CDH13: variants seen among roughly 807,000 people sequenced by gnomAD.
CDH13 encodes the protein cadherin-13.
CDH13 carries 24 observed loss-of-function variants against 63.8 expected under a neutral mutation model. The ratio of observed to expected loss-of-function variants is 0.38; its 90% CI spans 0.27 to 0.53. CDH13 has a LOEUF of 0.53. Ranked by LOEUF, CDH13 falls within the 20% of genes least tolerant of loss-of-function variation. The probability of loss-of-function intolerance (pLI) is 0.85; values close to 1 mark genes in which losing one functional copy is unlikely to be tolerated. For missense variants in CDH13, 1,049 were observed against 903.1 expected, an observed-to-expected ratio of 1.16 and a Z score of -2.07; for synonymous variants, 503 against 355.3, an observed-to-expected ratio of 1.42 and a Z score of -4.67.
At chr16:82,908,663 C>A (rs2041725918) in intron 2 of CDH13, among the ~76,000 whole-genome samples, 1 of 152,188 alleles carries the variant, frequency 6.6e-6, no homozygotes, top group Non-Finnish European at 1.5e-5. Context: ...ACTTTCCAGA[C>A]CTTTCTCTCA....
At chr16:83,762,899 A>G (rs933863767) in intron 11 of CDH13, among the ~76,000 whole-genome samples, 3 of 152,192 alleles carry the variant, frequency 2.0e-5, no homozygotes, top group African/African-American at 7.2e-5. Flanking sequence ...GGAAGCCCAA[A>G]TGCCCTCTCA....
intron 7 of CDH13, among the ~76,000 whole-genome samples, chr16:83,503,799 G>A (rs1227983032): frequency 6.6e-6 from 1 of 151,694 alleles, no homozygotes; most frequent in Non-Finnish European, 1.5e-5. Context: ...TAAGACCTTT[G>A]CCAGATGGGT....
At chr16:82,871,000 T>G (rs1198695226) in intron 2 of CDH13, among the ~76,000 whole-genome samples, 2 of 152,186 alleles carry the variant, frequency 1.3e-5, no homozygotes, top group Non-Finnish European at 2.9e-5. Flanking sequence ...CTTCAGGAAG[T>G]CACTATTACT....
intron 3 of CDH13, among the ~76,000 whole-genome samples, chr16:83,098,697 C>T (rs574507563): frequency 6.6e-6 from 1 of 152,332 alleles, no homozygotes; most frequent in Non-Finnish European, 1.5e-5. Flanking sequence ...TTCTGACTTG[C>T]ATTGTTGCTA....
chr16:83,508,075 G>A (rs12923171), intron 7 of CDH13, among the ~76,000 whole-genome samples: 925 of 33,712 alleles, frequency 0.027, 22 homozygotes, highest in East Asian at 0.2. Context: ...AAGGAAGGAA[G>A]GAAGGAAGGA....
At chr16:83,235,238 C>T (rs2151808008) in intron 5 of CDH13, among the ~76,000 whole-genome samples, 1 of 152,258 alleles carries the variant, frequency 6.6e-6, no homozygotes, top group African/African-American at 2.4e-5. Context: ...TAAACAAACA[C>T]TTAGGTTTGC....
intron 6 of CDH13, among the ~76,000 whole-genome samples, chr16:83,384,886 A>G (rs953334715): frequency 2.0e-5 from 3 of 152,226 alleles, no homozygotes; most frequent in Admixed American, 1.3e-4. Context: ...CGTGTGTAAC[A>G]TGGTATGTCC....
At chr16:83,695,406 G>A (rs950529662) in intron 10 of CDH13, among the ~76,000 whole-genome samples, 4 of 152,164 alleles carry the variant, frequency 2.6e-5, no homozygotes, top group African/African-American at 9.7e-5. Flanking sequence ...CTGTGACTCT[G>A]TGGATCCCTG....
Position 83,358,607 on chromosome 16 carries a change from A to G in CDH13, c.781+13601A>G, listed in dbSNP as rs151291749. Among the ~76,000 whole-genome samples the G allele has an allele frequency of 5.4e-3, 821 of 152,330 alleles. 9 individuals carry two copies. Among genetic ancestry groups the G allele is most frequent in the African/African-American group, 0.019 (784 of 41,572 alleles). The stretch of plus-strand genomic sequence containing the variant: ...AATATGCAGCATCACTCAACCAGTA[A>G]AAATTAGAGCCCAGACTATATGACG... On this transcript the variant is annotated intron_variant, in intron 6 of 13. Transcript: ENST00000567109.
intron 6 of CDH13, among the ~76,000 whole-genome samples, chr16:83,458,223 C>A (rs1598066909): frequency 6.6e-6 from 1 of 152,216 alleles, no homozygotes; most frequent in African/African-American, 2.4e-5. Flanking sequence ...GCTGTTTCTC[C>A]TGTACTTGAC....
At chr16:83,635,814 G>C (rs1393461389) in intron 8 of CDH13, among the ~76,000 whole-genome samples, 1 of 152,074 alleles carries the variant, frequency 6.6e-6, no homozygotes, top group African/African-American at 2.4e-5. Flanking sequence ...TTTCATGCAA[G>C]TCCAATTTAT....
intron 6 of CDH13, among the ~76,000 whole-genome samples, chr16:83,484,736 A>T (rs2073848552): frequency 6.6e-6 from 1 of 152,174 alleles, no homozygotes; most frequent in Admixed American, 6.6e-5. Context: ...GCACTTATAA[A>T]CTGTACCTGT....
chr16:83,371,973 A>C (rs2091375523), intron 6 of CDH13, among the ~76,000 whole-genome samples: 1 of 152,226 alleles, frequency 6.6e-6, no homozygotes, highest in Non-Finnish European at 1.5e-5. Context: ...ATATAGGGAT[A>C]CCTTTGGGGA....
intron 1 of CDH13, among the ~76,000 whole-genome samples, chr16:82,695,251 C>T (rs1411024483): frequency 6.6e-6 from 1 of 152,174 alleles, no homozygotes; most frequent in African/African-American, 2.4e-5. Flanking sequence ...TTTAGAGTAT[C>T]TCAAAGTCTC....
At chr16:83,321,102 T>C (rs766207149) in intron 5 of CDH13, among the ~76,000 whole-genome samples, 4 of 152,168 alleles carry the variant, frequency 2.6e-5, no homozygotes, top group Non-Finnish European at 4.4e-5. Context: ...TAGAAGGAGA[T>C]TGAAATTAAG....
intron 3 of CDH13, among the ~76,000 whole-genome samples, chr16:83,067,892 A>G (rs943733663): frequency 2.0e-5 from 3 of 151,964 alleles, no homozygotes; most frequent in Non-Finnish European, 4.4e-5. Flanking sequence ...CCATTTCGCC[A>G]CCTGCTCTGG....
chr16:82,934,115 C>T (rs1435666557), intron 2 of CDH13, among the ~76,000 whole-genome samples: 1 of 152,234 alleles, frequency 6.6e-6, no homozygotes, highest in East Asian at 1.9e-4. Context: ...TCCCCTTCTG[C>T]ACTTCCCTAG....
chr16:82,854,600 G>A (rs532525704), intron 1 of CDH13, among the ~76,000 whole-genome samples: 32 of 152,278 alleles, frequency 2.1e-4, no homozygotes, highest in African/African-American at 6.3e-4. Flanking sequence ...ACGTGTAAGC[G>A]AAGAGTGTGC....
intron 5 of CDH13, among the ~76,000 whole-genome samples, chr16:83,295,341 T>C (rs2089566838): frequency 6.6e-6 from 1 of 151,772 alleles, no homozygotes. Context: ...GGACATAACC[T>C]CAAAAGCACA....
Sources: gnomAD v4.1 joint callset for allele counts (sites outside exome capture counted in the v4.1 genomes callset) on GRCh38, gnomAD v4.1.1 for gene constraint, MANE v1.5 for transcripts, NCBI Gene and HGNC (gene_info 2026-07-23, HGNC 2026-07-21) for gene names.